The following C11orf58 variants were observed in gnomAD, a reference collection of about 807,000 sequenced individuals.
C11orf58 encodes the protein small acidic protein.
A neutral mutation model predicts 22.7 loss-of-function variants in C11orf58; 5 were observed. The observed-to-expected ratio is 0.22, with a 90% CI of 0.12 to 0.46. The LOEUF (loss-of-function observed/expected upper bound fraction) is 0.46. Ranked by LOEUF, C11orf58 falls within the 20% of genes least tolerant of loss-of-function variation. The pLI, the probability that C11orf58 is intolerant of heterozygous loss-of-function variation, is 0.99. For missense variants in C11orf58, 151 were observed against 223.3 expected (o/e 0.68, Z 2.06); for synonymous variants, 71 against 70.7 (o/e 1.00, Z -0.02).
chr11:16,755,010 C>A lies in C11orf58; in HGVS notation c.458C>A (p.Ala153Asp). 1 of 1,614,130 alleles carries A rather than the reference C, an allele frequency of 6.2e-7. No homozygotes were observed. Among genetic ancestry groups the A allele is most frequent in the African/African-American group, 1.3e-5 (1 of 75,016 alleles). ...EKEESAEELQ[A>D]AEHPDEVEDP... is the part of the protein sequence containing the mutation. ...GAAGAATCTGCTGAAGAACTCCAAG[C>A]TGCTGAGCACCCTGATGAAGTGGAG... Residue 153 changes from alanine to aspartate, a missense_variant, in exon 5 of 5, where the codon GCT (alanine) becomes GAT (aspartate). This residue lies in a region of C11orf58 where 112 missense variants were observed against 162.6 expected (regional missense o/e 0.69). Coordinates refer to ENST00000228136, the MANE Select transcript of C11orf58 (RefSeq NM_014267.6).
At chr11:16,751,976 A>C (rs1428799530) in intron 3 of C11orf58, 1 of 152,266 alleles carries the variant, frequency 6.6e-6, no homozygotes, top group Non-Finnish European at 1.5e-5. Flanking sequence ...CCACGAAAGC[A>C]CTGGAAAGCC....
chr11:16,752,938 A>G (rs751517230), intron 4 of C11orf58, 44 bp downstream of exon 4: 4 of 1,440,528 alleles, frequency 2.8e-6, no homozygotes, highest in Non-Finnish European at 2.9e-6. Context: ...TTAGTTTTCA[A>G]TTTGGTACCA....
intron 4 of C11orf58, 128 bp downstream of exon 4, chr11:16,753,022 A>G (rs763623269): frequency 2.1e-5 from 13 of 611,638 alleles, no homozygotes; most frequent in Non-Finnish European, 3.6e-5. Flanking sequence ...TATCTTAAAA[A>G]TAATTTTGTA....
chr11:16,754,987 A>G lies in C11orf58; in HGVS notation c.435A>G (p.Glu145=). 6.2e-7 allele frequency: 1 copy of G among 1,614,198 alleles called. No individual in the cohort carries two copies. Among genetic ancestry groups the G allele is most frequent in the Non-Finnish European group, 8.5e-7 (1 of 1,180,036 alleles). Reference sequence around the variant, plus strand: ...AAAGCGATTCAGAGTCAGAGAAAGAAGAATCTGCTGAAGAACTCCAAGCTG... The same window carrying G: ...AAAGCGATTCAGAGTCAGAGAAAGAGGAATCTGCTGAAGAACTCCAAGCTG... ...DSESDSESEK[E]ESAEELQAAE... Residue 145 remains glutamate, a synonymous_variant, in exon 5 of 5, where the codon GAA becomes GAG. Transcript: ENST00000228136.
intron 3 of C11orf58, 104 bp from the exon 4 acceptor site, chr11:16,752,679 TCA>T: frequency 1.6e-6 from 1 of 622,568 alleles, no homozygotes; most frequent in Non-Finnish European, 2.5e-6. Flanking sequence ...GTAAAATTAG[TCA>T]CAATTAGATA....
chr11:16,739,500 C>A (rs1017283820), intron 1 of C11orf58: 4 of 152,556 alleles, frequency 2.6e-5, no homozygotes, highest in Non-Finnish European at 5.9e-5. Context: ...TCAGCCCTCA[C>A]CTCATAGGTT....
chr11:16,748,718 CT>C (rs1316651495), intron 3 of C11orf58: 7 of 151,554 alleles, frequency 4.6e-5, no homozygotes, highest in Non-Finnish European at 4.4e-5. Context: ...GCACTCCAGC[CT>C]GAGTGACAGA....
At position 16,757,812 on chromosome 11, in the gene C11orf58, G is replaced by C. The variant is rs1201471399; in HGVS notation, c.*2708G>C. 6.6e-6 allele frequency among the ~76,000 whole-genome samples: 1 copy of C among 152,192 alleles called. No homozygotes were observed. Among genetic ancestry groups the C allele is most frequent in the Admixed American group, 6.5e-5 (1 of 15,274 alleles). On this transcript the variant is annotated 3_prime_UTR_variant, in exon 5 of 5. Transcript: ENST00000228136. ...AATGTTTGCAGATGCAGATTGCAAT[G>C]TTGTTTGTATTCATAGGCAAAAGTC...
intron 1 of C11orf58, among the ~76,000 whole-genome samples, chr11:16,743,987 G>C (rs2134069241): frequency 6.6e-6 from 1 of 150,382 alleles, no homozygotes; most frequent in Admixed American, 6.6e-5. Flanking sequence ...TTTGTTCTTT[G>C]GAAGACTTTT....
chr11:16,744,380 A>C, intron 1 of C11orf58: 1 of 480,622 alleles, frequency 2.1e-6, no homozygotes, highest in South Asian at 2.6e-5. Flanking sequence ...TTTGAGACTC[A>C]GCTCTGGCTG....
intron 3 of C11orf58, chr11:16,751,302 A>ACC (rs2134073500): frequency 6.6e-6 from 1 of 152,238 alleles, no homozygotes; most frequent in Non-Finnish European, 1.5e-5. Context: ...GGAGTTTGAG[A>ACC]CCAGTCTGGC....
intron 1 of C11orf58, among the ~76,000 whole-genome samples, chr11:16,740,714 G>A (rs996121755): frequency 3.3e-5 from 5 of 149,464 alleles, no homozygotes; most frequent in African/African-American, 1.2e-4. Context: ...GAGCCACCTC[G>A]CCCAGCCAGT....
Position 16,738,713 on chromosome 11 carries a change from T to C in C11orf58, c.-66T>C, listed in dbSNP as rs1330510616. ...CTTGGGCCCTTGGCGGATTGTAAGC[T>C]GCTGGTTTTGCGGCTGGGAAGAGCG... On this transcript the variant is annotated 5_prime_UTR_variant, in exon 1 of 5. Transcript: ENST00000228136. 8 of 1,563,050 alleles carry C rather than the reference T, an allele frequency of 5.1e-6. No homozygotes were observed. Among genetic ancestry groups the C allele is most frequent in the Non-Finnish European group, 7.0e-6 (8 of 1,135,078 alleles).
rs1322282484 is a variant in C11orf58 at position 16,755,391 on chromosome 11, C to A, written c.*287C>A. 2.7e-5 allele frequency: 6 copies of A among 221,366 alleles called. No homozygotes were observed. The highest frequency in any genetic ancestry group is 5.3e-5 in the Non-Finnish European group (6 of 112,194). The allele number at this position is 221,366 out of a possible 1,614,324, so 13.7% of individuals were successfully genotyped here. On this transcript the variant is annotated 3_prime_UTR_variant, in exon 5 of 5. Transcript: ENST00000228136. The stretch of plus-strand genomic sequence containing the variant: ...TCTAATTCACCTTATGGGGGAAATG[C>A]TTCTTTTTGTTTGTGATAGCTATTT...
chr11:16,744,555 CTTAT>C (rs765837875), intron 1 of C11orf58, 42 bp from the exon 2 acceptor site: 14 of 1,503,956 alleles, frequency 9.3e-6, no homozygotes, highest in East Asian at 6.8e-5. Flanking sequence ...TTTCGTAATA[CTTAT>C]TTTTATGCAA....
chr11:16,756,425 ACTC>A lies in C11orf58; in HGVS notation c.*1324_*1326del, dbSNP rs1848578220. On this transcript the variant is annotated 3_prime_UTR_variant, in exon 5 of 5. Transcript: ENST00000228136. ...GTTGGGACTACAGTCATGTGCCACT[ACTC>A]CTGGCTAATTTTTTGTATTTTTAGT... 1 of 149,618 alleles carries A rather than the reference ACTC, an allele frequency of 6.7e-6. No individual in the cohort carries two copies. The highest frequency in any genetic ancestry group is 2.2e-4 in the South Asian group (1 of 4,612). 9.3% of individuals were successfully genotyped at this position (149,618 alleles called of 1,614,324 possible).
intron 1 of C11orf58, among the ~76,000 whole-genome samples, chr11:16,741,259 C>T (rs1386385512): frequency 6.6e-6 from 1 of 152,094 alleles, no homozygotes; most frequent in Non-Finnish European, 1.5e-5. Context: ...GATACTAAAT[C>T]ACAATACAAC....
At position 16,738,858 on chromosome 11, in the gene C11orf58, G is replaced by A; in HGVS notation, c.63+17G>A. On this transcript the variant is annotated intron_variant, in intron 1 of 4. Transcript: ENST00000228136. ...GACGACGATGTAAATAATAATGGCGGAGTGGCTGAGGGTTGAGGCCTACTA... is the reference window on the plus strand; with the variant it reads ...GACGACGATGTAAATAATAATGGCGAAGTGGCTGAGGGTTGAGGCCTACTA... 6.2e-7 allele frequency: 1 copy of A among 1,613,970 alleles called. No homozygotes were observed. Among genetic ancestry groups the A allele is most frequent in the Non-Finnish European group, 8.5e-7 (1 of 1,179,920 alleles).
At chr11:16,750,305 C>G (rs1174846820) in intron 3 of C11orf58, 1 of 152,200 alleles carries the variant, frequency 6.6e-6, no homozygotes, top group East Asian at 1.9e-4. Context: ...AAAAGACAAG[C>G]CTTTGGAGTT....
Sources: gnomAD v4.1 joint callset for allele counts (sites outside exome capture counted in the v4.1 genomes callset) on GRCh38, gnomAD v4.1.1 for gene constraint, gnomAD v4.1.1 regional missense constraint, MANE v1.5 for transcripts, NCBI Gene and HGNC (gene_info 2026-07-23, HGNC 2026-07-21) for gene names.